The following ARMC5 variants were observed in gnomAD, a reference collection of about 807,000 sequenced individuals.
ARMC5 encodes armadillo repeat containing 5.
In ARMC5, 28 loss-of-function variants were observed where a neutral mutation model predicts 60.5. The observed-to-expected ratio is 0.46, with a 90% CI of 0.34 to 0.63. The LOEUF (loss-of-function observed/expected upper bound fraction) is 0.63, where lower values mean the gene tolerates loss of function less well. Among genes scored for constraint, ARMC5 ranks in the 30% least tolerant of loss-of-function variants. The pLI is 0.01. For synonymous variants in ARMC5, 680 were observed against 607.3 expected, an observed-to-expected ratio of 1.12 and a Z score of -1.76; for missense variants, 1,189 against 1,304.9, an observed-to-expected ratio of 0.91 and a Z score of 1.37.
upstream of ARMC5, chr16:31,459,404 C>T: frequency 6.5e-7 from 1 of 1,537,908 alleles, no homozygotes. Flanking sequence ...TTCCGACTTG[C>T]ATCACTGCGG....
Position 31,459,836 on chromosome 16 carries a change from C to T in ARMC5, c.312C>T (p.Ala104=), listed in dbSNP as rs765844255. The T allele has an allele frequency of 2.4e-5, 38 of 1,568,992 alleles. No homozygotes were observed. The highest frequency in any genetic ancestry group is 3.4e-5 in the South Asian group (3 of 88,118). Residue 104 remains alanine, a synonymous_variant, in exon 1 of 6, where the codon GCC becomes GCT. Coordinates refer to ENST00000268314, the MANE Select transcript of ARMC5 (RefSeq NM_001105247.2). ...SSAASGASSP[A]PASGPAPSAV... ...CCGCGTCGGGAGCTTCTAGCCCCGCCCCCGCGTCGGGCCCCGCCCCCTCCG... is the reference window on the plus strand; with the variant it reads ...CCGCGTCGGGAGCTTCTAGCCCCGCTCCCGCGTCGGGCCCCGCCCCCTCCG...
chr16:31,466,824 C>T lies in ARMC5; in HGVS notation c.2743C>T (p.Pro915Ser). ...GGAGGCAGCAGGTGAAGAGGCAGGG[C>T]CCCTGACGGAGGCTTTGCTGGCTGT... ...LVEAAGEEAG[P>S]LTEALLAVVM... Residue 915 changes from proline (P) to serine (S), a missense_variant, in exon 6 of 6, where the codon CCC becomes TCC. By Grantham distance (74) the Pro-to-Ser change is moderately conservative (BLOSUM62 -1). This residue lies in a region of ARMC5 where 862 missense variants were observed against 1,071.2 expected (regional missense o/e 0.80). Coordinates refer to ENST00000268314, the MANE Select transcript of ARMC5 (RefSeq NM_001105247.2). The surrounding 1 kb of genome is among the most constrained non-coding windows in gnomAD (Gnocchi z 8.0). 1 of 1,590,760 alleles carries T rather than the reference C, an allele frequency of 6.3e-7. No homozygotes were observed.
At chr16:31,465,193 C>T (rs755248493) in intron 4 of ARMC5, 23 of 1,577,984 alleles carry the variant, frequency 1.5e-5, no homozygotes, top group Non-Finnish European at 1.8e-5. Context: ...TGGTTCAGCA[C>T]TGTCCTGACT....
intron 3 of ARMC5, among the ~76,000 whole-genome samples, chr16:31,463,184 T>C (rs4362405): frequency 0.88 from 133,615 of 151,850 alleles, 59,098 homozygotes; most frequent in African/African-American, 0.96. Context: ...CTGCAACCTC[T>C]ACCTCCTTGG....
At chr16:31,460,252 G>A (rs2082293239) in intron 1 of ARMC5, 1 of 489,962 alleles carries the variant, frequency 2.0e-6, no homozygotes, top group Non-Finnish European at 3.6e-6. Flanking sequence ...TTCGAAGCTG[G>A]ACTAGCGGAG....
Position 31,462,402 on chromosome 16 carries a change from A to C in ARMC5, c.855A>C (p.Pro285=). 1 of 1,609,672 alleles carries C rather than the reference A, an allele frequency of 6.2e-7. No homozygotes were observed. The highest frequency in any genetic ancestry group is 8.5e-7 in the Non-Finnish European group (1 of 1,177,382). ...TAAGTCTGGGTGGGGGATTGGGCCC[A>C]CTCGTCAGCCTGGCTTCCCACCCCA... ...EQLSLGGGLG[P]LVSLASHPKR... The change falls in exon 3 of 6, where the codon CCA becomes CCC. Residue 285 remains proline, a synonymous_variant. Coordinates refer to ENST00000268314, the MANE Select transcript of ARMC5 (RefSeq NM_001105247.2). The surrounding 1 kb of genome is among the most constrained non-coding windows in gnomAD (Gnocchi z 7.2).
Position 31,465,953 on chromosome 16 carries a change from C to T in ARMC5, c.1968C>T (p.Ala656=), listed in dbSNP as rs368108773. 2 of 1,605,878 alleles carry T rather than the reference C, an allele frequency of 1.2e-6. No homozygotes were observed. Among genetic ancestry groups the T allele is most frequent in the African/African-American group, 2.7e-5 (2 of 74,910 alleles). The change falls in exon 5 of 6, where the codon GCC becomes GCT. Residue 656 remains alanine (A), a synonymous_variant. Coordinates refer to ENST00000268314, the MANE Select transcript of ARMC5 (RefSeq NM_001105247.2). The part of the protein sequence containing the change: ...LLSGSPEDRV[A]CALTLPFICR... ...CTGGGAGCCCTGAGGACCGAGTGGCCTGCGCGCTGACCCTGCCCTTCATCT... is the reference window on the plus strand; with the variant it reads ...CTGGGAGCCCTGAGGACCGAGTGGCTTGCGCGCTGACCCTGCCCTTCATCT...
Position 31,462,879 on chromosome 16 carries a change from C to T in ARMC5, c.1332C>T (p.Thr444=), listed in dbSNP as rs1278808522. Residue 444 remains threonine (T), a synonymous_variant, in exon 3 of 6, where the codon ACC becomes ACT. Coordinates refer to ENST00000268314, the MANE Select transcript of ARMC5 (RefSeq NM_001105247.2). This position sits in a 1 kb window ranked among gnomAD's most constrained non-coding sequence, Gnocchi z 7.2. ...AASWDFPEER[T]PERAQGGSFR... is the part of the protein sequence containing the mutation. ...CCTGGGACTTTCCTGAGGAGAGGAC[C>T]CCTGAGCGGGCACAGGGTGGAAGCT... is the stretch of plus-strand genomic sequence containing the variant. 1 of 1,611,174 alleles carries T rather than the reference C, an allele frequency of 6.2e-7. No individual in the cohort carries two copies. Among genetic ancestry groups the T allele is most frequent in the African/African-American group, 1.3e-5 (1 of 74,796 alleles).
chr16:31,459,070 C>A, upstream of ARMC5: 1 of 1,499,078 alleles, frequency 6.7e-7, no homozygotes, highest in South Asian at 1.3e-5. Flanking sequence ...TCGGGGTTCT[C>A]GGAGTCCGTC....
chr16:31,460,014 C>G lies in ARMC5; in HGVS notation c.475+15C>G, dbSNP rs369520261. The G allele has an allele frequency of 8.9e-5, 142 of 1,592,750 alleles. No homozygotes were observed. Among genetic ancestry groups the G allele is most frequent in the Non-Finnish European group, 1.1e-4 (133 of 1,177,030 alleles). On this transcript the variant is annotated intron_variant, in intron 1 of 5. Coordinates refer to ENST00000268314, the MANE Select transcript of ARMC5 (RefSeq NM_001105247.2). ...ACTCCCTTTGGGTAAGTGCTCCGCC[C>G]CCGTTTCCTAGAAAGATTAGGTTTG...
rs2142575780 is a variant in ARMC5, at chr16:31,464,874, G to C, written c.1851G>C (p.Arg617=). 6.2e-7 allele frequency: 1 copy of C among 1,602,084 alleles called. No individual in the cohort carries two copies. Among genetic ancestry groups the C allele is most frequent in the Non-Finnish European group, 8.5e-7 (1 of 1,179,272 alleles). Residue 617 remains arginine, a synonymous_variant, in exon 4 of 6, where the codon CGG becomes CGC. Transcript: ENST00000268314. The surrounding 1 kb of genome is among the most constrained non-coding windows in gnomAD (Gnocchi z 7.6). ...APRARPTLHS[R]HRELGERLLQ... is the part of the protein sequence containing the mutation. ...GTGCCCGGCCCACTCTCCACAGCCG[G>C]CACCGAGAGCTGGGTGAGTTCCCAT...
In ARMC5 at chr16:31,462,083, G is replaced by A; in HGVS notation, c.584-48G>A. 1 of 1,613,450 alleles carries A rather than the reference G, an allele frequency of 6.2e-7. No homozygotes were observed. Among genetic ancestry groups the A allele is most frequent in the South Asian group, 1.1e-5 (1 of 91,046 alleles). Reference sequence around the variant, plus strand: ...AGGGCTTGGGGCAGAAGAAAGGCTTGAGTGTCTGTCCTTGTTCACCCTCTG... The same window carrying A: ...AGGGCTTGGGGCAGAAGAAAGGCTTAAGTGTCTGTCCTTGTTCACCCTCTG... On this transcript the variant is annotated intron_variant, in intron 2 of 5. Transcript: ENST00000268314. The surrounding 1 kb of genome is among the most constrained non-coding windows in gnomAD (Gnocchi z 7.2).
chr16:31,466,269 T>G lies in ARMC5; in HGVS notation c.2188T>G (p.Ser730Ala). The G allele has an allele frequency of 3.7e-6, 6 of 1,613,746 alleles. No individual in the cohort carries two copies. The Admixed American group carries it at 6.7e-5, about 18-fold the overall frequency. The change falls in exon 6 of 6, where the codon TCA becomes GCA. Residue 730 changes from serine to alanine, a missense_variant. By Grantham distance (99) the Ser-to-Ala change is moderately conservative (BLOSUM62 1). Coordinates refer to ENST00000268314, the MANE Select transcript of ARMC5 (RefSeq NM_001105247.2). The surrounding 1 kb of genome is among the most constrained non-coding windows in gnomAD (Gnocchi z 8.0). The part of the protein sequence containing the change: ...VPQAVPMDLD[S>A]PSPCLYEPLL... ...ACAGGCAGTCCCCATGGACCTAGAC[T>G]CACCTTCCCCTTGCCTCTATGAACC...
Position 31,464,467 on chromosome 16 carries a change from C to A in ARMC5, c.1444C>A (p.Pro482Thr). 1 of 1,603,210 alleles carries A rather than the reference C, an allele frequency of 6.2e-7. No individual in the cohort carries two copies. The highest frequency in any genetic ancestry group is 8.5e-7 in the Non-Finnish European group (1 of 1,175,780). Residue 482 changes from proline to threonine, a missense_variant, in exon 4 of 6, where the codon CCG becomes ACG. Pro to Thr is a conservative substitution (Grantham distance 38). Around this residue, in one of 2 missense-constraint regions of ARMC5, gnomAD observed 862 missense variants for 1,071.2 expected, o/e 0.80. Transcript: ENST00000268314. This position sits in a 1 kb window ranked among gnomAD's most constrained non-coding sequence, Gnocchi z 7.6. The part of the protein sequence containing the change: ...ISPDWSPEQC[P>T]PEPMEPASPA... ...CCCCGACTGGTCTCCTGAGCAGTGT[C>A]CGCCGGAGCCCATGGAGCCGGCCAG...
Position 31,464,883 on chromosome 16 carries a change from G to T in ARMC5, c.1860G>T (p.Glu620Asp). 1.2e-6 allele frequency: 2 copies of T among 1,604,222 alleles called. No homozygotes were observed. The highest frequency in any genetic ancestry group is 8.5e-7 in the Non-Finnish European group (1 of 1,179,506). Residue 620 changes from glutamate to aspartate, a missense_variant, in exon 4 of 6, where the codon GAG becomes GAT. Physicochemically the swap from Glu to Asp is conservative, Grantham distance 45 (BLOSUM62 2). Around this residue, in one of 2 missense-constraint regions of ARMC5, gnomAD observed 862 missense variants for 1,071.2 expected, o/e 0.80. Coordinates refer to ENST00000268314, the MANE Select transcript of ARMC5 (RefSeq NM_001105247.2). The surrounding 1 kb of genome is among the most constrained non-coding windows in gnomAD (Gnocchi z 7.6). ...CCACTCTCCACAGCCGGCACCGAGA[G>T]CTGGGTGAGTTCCCATACCCACCCG... is the stretch of plus-strand genomic sequence containing the variant. ...ARPTLHSRHR[E>D]LGERLLQNLT...
chr16:31,459,582 G>A lies in ARMC5; in HGVS notation c.58G>A (p.Ala20Thr). 1 of 1,603,712 alleles carries A rather than the reference G, an allele frequency of 6.2e-7. No homozygotes were observed. The highest frequency in any genetic ancestry group is 8.5e-7 in the Non-Finnish European group (1 of 1,179,380). ...GCTCTCGTTCTGCCTCGCGCAGCTC[G>A]CGGCGGCGGCCGGGGAGGCTCTGGG... ...DSLSFCLAQLAAAAGEALGGE... is the reference protein window; with the variant it reads ...DSLSFCLAQLTAAAGEALGGE... Residue 20 changes from alanine to threonine, a missense_variant, in exon 1 of 6, where the codon GCG becomes ACG. By Grantham distance (58) the Ala-to-Thr change is moderately conservative. Transcript: ENST00000268314.
In ARMC5 at chr16:31,464,634, C is replaced by T; in HGVS notation, c.1611C>T (p.Asp537=). Residue 537 remains aspartate (D), a synonymous_variant, in exon 4 of 6, where the codon GAC becomes GAT. Coordinates refer to ENST00000268314, the MANE Select transcript of ARMC5 (RefSeq NM_001105247.2). The surrounding 1 kb of genome is among the most constrained non-coding windows in gnomAD (Gnocchi z 7.6). ...TGTCGCGCTTTTCCCAGGCCCCTGA[C>T]CCAAGTGGGGCACTTGTGACCGGCC... ...LLLSRFSQAP[D]PSGALVTGPA... The T allele has an allele frequency of 3.1e-6, 5 of 1,598,126 alleles. No individual in the cohort carries two copies. Among genetic ancestry groups the T allele is most frequent in the Non-Finnish European group, 4.2e-6 (5 of 1,178,516 alleles).
upstream of ARMC5, chr16:31,459,099 A>C (rs1413400035): frequency 1.4e-6 from 2 of 1,476,332 alleles, no homozygotes; most frequent in Admixed American, 2.3e-5. Context: ...GGGCCGCACC[A>C]CCGCTGGGGG....
In ARMC5 at chr16:31,464,375, C is replaced by A; in HGVS notation, c.1371-19C>A. The A allele has an allele frequency of 6.7e-7, 1 of 1,501,640 alleles. No individual in the cohort carries two copies. Among genetic ancestry groups the A allele is most frequent in the South Asian group, 1.4e-5 (1 of 73,814 alleles). 93.0% of individuals were successfully genotyped at this position (1,501,640 alleles called of 1,614,324 possible). A position where few individuals can be genotyped will look rare whatever the true frequency, so the allele number is the denominator to read the frequency against. ...CCTTGGCTCTGGGTTCAGTCTCCTT[C>A]CCTTTCTGCCCTCCGCAGGTCGTGG... is the stretch of plus-strand genomic sequence containing the variant. On this transcript the variant is annotated intron_variant, in intron 3 of 5. Transcript: ENST00000268314. The surrounding 1 kb of genome is among the most constrained non-coding windows in gnomAD (Gnocchi z 7.6).
Sources: allele counts gnomAD v4.1 joint callset (sites outside exome capture counted in the v4.1 genomes callset), GRCh38; gene constraint gnomAD v4.1.1; regional missense constraint gnomAD v4.1.1; non-coding constraint Gnocchi (gnomAD v3.1); transcripts MANE v1.5; gene names NCBI Gene and HGNC (gene_info 2026-07-23, HGNC 2026-07-21).